Variants in FAM9A observed in about 807,000 individuals in gnomAD.
The protein encoded by FAM9A is family with sequence similarity 9 member A.
Under a neutral mutation model 25.0 loss-of-function variants are expected in FAM9A, and 49 were observed. That is an observed-to-expected ratio of 1.96 (90% CI 1.56 to 2.48). The LOEUF (loss-of-function observed/expected upper bound fraction) is 2.48. Among genes scored for constraint, FAM9A ranks in the 30% most tolerant of loss-of-function variants. FAM9A has a pLI of 0.00. For missense variants in FAM9A, 266 were observed against 249.3 expected, an observed-to-expected ratio of 1.07 and a Z score of -0.45; for synonymous variants, 80 against 85.1, an observed-to-expected ratio of 0.94 and a Z score of 0.33.
Position 8,795,076 on chromosome X carries a change from A to G in FAM9A, c.831+2T>C. The stretch of plus-strand genomic sequence containing the variant: ...AATCATAAAGCTAAGCCTGATACCA[A>G]CAATTTGTTCTTCCTCTTCCTCTTC... On this transcript the variant is annotated splice_donor_variant, in intron 7 of 9. Transcript: ENST00000381003. LOFTEE classifies it high-confidence loss of function. 8.5e-7 allele frequency: 1 copy of G among 1,174,145 alleles called. No individual in the cohort carries two copies. The highest frequency in any genetic ancestry group is 1.1e-6 in the Non-Finnish European group (1 of 876,691).
chrX:8,800,036 G>GC (rs1457777150), intron 2 of FAM9A, 45 bp downstream of exon 2: 3 of 1,180,201 alleles, frequency 2.5e-6, no homozygotes, highest in African/African-American at 1.8e-5. Context: ...CTGCCCATGT[G>GC]CCCCCCGCGC....
intron 6 of FAM9A, 95 bp downstream of exon 6, chrX:8,796,173 G>A: frequency 3.0e-6 from 2 of 665,262 alleles, no homozygotes; most frequent in Non-Finnish European, 4.6e-6. Flanking sequence ...CCCTAGAGAC[G>A]CCAATATGTA....
intron 7 of FAM9A, among the ~76,000 whole-genome samples, chrX:8,794,009 T>C (rs1040766008): frequency 1.8e-5 from 2 of 112,516 alleles, no homozygotes; most frequent in Non-Finnish European, 3.8e-5. Flanking sequence ...GTCTTAATTC[T>C]TGATTTTGAA....
chrX:8,798,212 A>G, intron 4 of FAM9A, 31 bp from the exon 5 acceptor site: 1 of 1,204,966 alleles, frequency 8.3e-7, no homozygotes. Flanking sequence ...AAATTTTATC[A>G]TAATGCTACA....
At chrX:8,799,681 A>C (rs866744045) in intron 2 of FAM9A, among the ~76,000 whole-genome samples, 2 of 42,599 alleles carry the variant, frequency 4.7e-5, no homozygotes, top group East Asian at 9.5e-4. Flanking sequence ...CTGGCCCCAC[A>C]CCCGGCCCCT....
chrX:8,796,238 A>G, intron 6 of FAM9A, 30 bp downstream of exon 6: 2 of 1,037,595 alleles, frequency 1.9e-6, no homozygotes, highest in Middle Eastern at 2.6e-4. Context: ...TGATATAAAT[A>G]TCATTATGCA....
chrX:8,795,523 C>G, intron 6 of FAM9A, 103 bp from the exon 7 acceptor site: 2 of 702,877 alleles, frequency 2.8e-6, no homozygotes, highest in Non-Finnish European at 2.1e-6. Context: ...TATAAAGTAG[C>G]AAGGGAGTAA....
intron 4 of FAM9A, 51 bp downstream of exon 4, chrX:8,798,308 C>T (rs1324092703): frequency 8.3e-7 from 1 of 1,205,293 alleles, no homozygotes. Flanking sequence ...CCAAAGCTGA[C>T]TTTTCCTAAA....
Position 8,791,189 on chromosome X carries a change from T to C in FAM9A, c.*32-17A>G. ...TTCCAAAAGCTGTTTCAAAAAAAAA[T>C]TTAAGTAACTGTGATACACATTTCT... On this transcript the variant is annotated splice_polypyrimidine_tract_variant and intron_variant, in intron 9 of 9. Coordinates refer to ENST00000381003, the MANE Select transcript of FAM9A (RefSeq NM_174951.3). The C allele has an allele frequency of 1.5e-6, 1 of 652,398 alleles. No homozygotes were observed. Among genetic ancestry groups the C allele is most frequent in the African/African-American group, 2.2e-5 (1 of 44,581 alleles). 53.8% of individuals were successfully genotyped at this position (652,398 alleles called of 1,213,427 possible).
intron 1 of FAM9A, among the ~76,000 whole-genome samples, chrX:8,800,548 C>A (rs1378335639): frequency 9.0e-6 from 1 of 110,615 alleles, no homozygotes; most frequent in Non-Finnish European, 1.9e-5. Context: ...ACCTCCCCAG[C>A]CATCTCTGGG....
At chrX:8,793,617 G>T in intron 8 of FAM9A, 41 bp downstream of exon 8, 2 of 1,057,519 alleles carry the variant, frequency 1.9e-6, no homozygotes, top group South Asian at 1.9e-5. Context: ...TTATGCACGT[G>T]TTGTATTTTA....
In FAM9A at chrX:8,791,265, A is replaced by G. The variant is rs1283430685; in HGVS notation, c.*31+15T>C. The G allele has an allele frequency of 1.2e-5, 13 of 1,060,735 alleles. No individual in the cohort carries two copies. In the African/African-American group the frequency reaches 2.2e-4, roughly 18 times the overall value. 87.4% of individuals were successfully genotyped at this position (1,060,735 alleles called of 1,213,427 possible). ...ATCAATCCTGAGTTTTTAAACTTAA[A>G]TATGCACTACTTACAGTTCTGACAC... On this transcript the variant is annotated intron_variant, in intron 9 of 9. Transcript: ENST00000381003.
intron 3 of FAM9A, 69 bp downstream of exon 3, chrX:8,798,897 G>C (rs932989155): frequency 1.1e-5 from 13 of 1,197,906 alleles, no homozygotes; most frequent in Middle Eastern, 2.3e-4. Context: ...TGTGCCTCCC[G>C]CGCAAAGAGC....
At position 8,795,163 on chromosome X, in the gene FAM9A, CCTT is replaced by C. The variant is rs755124434; in HGVS notation, c.743_745del (p.Glu248del). On this transcript the variant is annotated inframe_deletion, in exon 7 of 10. Transcript: ENST00000381003. ...TTCTCCTCCTCCTCCTCCTTCTTCTCCTTCTTCTCCTCCTCCTTCTTCTTCTCC... is the reference window on the plus strand; with the variant it reads ...TTCTCCTCCTCCTCCTCCTTCTTCTCCTTCTCCTCCTCCTTCTTCTTCTCC... 1.2e-5 allele frequency: 12 copies of C among 1,040,009 alleles called. No homozygotes were observed. In the East Asian group the frequency reaches 1.9e-4, roughly 17 times the overall value. The allele number at this position is 1,040,009 out of a possible 1,213,427, so 85.7% of individuals were successfully genotyped here.
intron 5 of FAM9A, among the ~76,000 whole-genome samples, chrX:8,796,887 A>G (rs778828622): frequency 3.6e-5 from 4 of 112,281 alleles, no homozygotes; most frequent in Non-Finnish European, 7.5e-5. Context: ...TTAATAAAAG[A>G]AGCATCGTCC....
Position 8,798,461 on chromosome X carries a change from T to A in FAM9A, c.239A>T (p.Asp80Val). 1 of 1,211,362 alleles carries A rather than the reference T, an allele frequency of 8.3e-7. No individual in the cohort carries two copies. The highest frequency in any genetic ancestry group is 1.1e-6 in the Non-Finnish European group (1 of 895,465). Residue 80 changes from aspartate to valine, a missense_variant, in exon 4 of 10, where the codon GAT becomes GTT. Transcript: ENST00000381003. ...KKHTGKDPVR[D>V]ECEERNPFTE... ...AAAAGGGTTTCTTTCCTCACATTCA[T>A]CACGGACTGGATCCTTTCCTGCATT...
At chrX:8,798,099 T>C in intron 5 of FAM9A, 51 bp downstream of exon 5, 1 of 1,135,499 alleles carries the variant, frequency 8.8e-7, no homozygotes, top group Non-Finnish European at 1.2e-6. Context: ...CTATAACAGT[T>C]GTATGGTTGA....
chrX:8,793,467 A>T (rs1219781104), intron 8 of FAM9A, among the ~76,000 whole-genome samples, 191 bp downstream of exon 8: 9 of 112,360 alleles, frequency 8.0e-5, no homozygotes, highest in Admixed American at 1.9e-4. Flanking sequence ...CTCCCACAAA[A>T]CTATTCACGA....
rs149005454 is a variant in FAM9A at position 8,792,083 on chromosome X, A to T, written c.931-704T>A. On this transcript the variant is annotated intron_variant, in intron 8 of 9. Transcript: ENST00000381003. ...GTTTAAATTGGTCTTAGTCAAAAAA[A>T]AATTTTTTTAAAGCATTGTGAGGGA... Among the ~76,000 whole-genome samples, 904 of 112,184 alleles carry T rather than the reference A, an allele frequency of 8.1e-3. 11 individuals are homozygous for T. Among genetic ancestry groups the T allele is most frequent in the Admixed American group, 0.047 (492 of 10,543 alleles).
Sources: allele counts gnomAD v4.1 joint callset (sites outside exome capture counted in the v4.1 genomes callset), GRCh38; gene constraint gnomAD v4.1.1; transcripts MANE v1.5; gene names NCBI Gene and HGNC (gene_info 2026-07-23, HGNC 2026-07-21).